POU6F2: variants seen among roughly 807,000 people sequenced by gnomAD.
POU6F2 encodes POU class 6 homeobox 2.
POU6F2 carries 31 observed loss-of-function variants against 71.3 expected under a neutral mutation model. The ratio of observed to expected loss-of-function variants is 0.43; its 90% CI spans 0.33 to 0.59. The LOEUF (loss-of-function observed/expected upper bound fraction) is 0.59. Among genes scored for constraint, POU6F2 ranks in the 20% least tolerant of loss-of-function variants. POU6F2 has a pLI of 0.04. For synonymous variants in POU6F2, 347 were observed against 355.7 expected (o/e 0.98, Z 0.27); for missense variants, 783 against 856.8 (o/e 0.91, Z 1.07).
chr7:39,333,013 G>A (rs1387232597), intron 4 of POU6F2, among the ~76,000 whole-genome samples: 2 of 152,072 alleles, frequency 1.3e-5, no homozygotes, highest in African/African-American at 2.4e-5. Flanking sequence ...TATTCTGCAG[G>A]TGGAAATAGT....
chr7:39,032,167 G>A (rs1789958788), intron 1 of POU6F2, among the ~76,000 whole-genome samples: 1 of 152,138 alleles, frequency 6.6e-6, no homozygotes, highest in South Asian at 2.1e-4. Context: ...GTGGGCATTG[G>A]ATGTTGGACT....
intron 2 of POU6F2, among the ~76,000 whole-genome samples, chr7:39,094,361 T>G (rs1791413350): frequency 6.6e-6 from 1 of 152,200 alleles, no homozygotes; most frequent in Non-Finnish European, 1.5e-5. Flanking sequence ...GGAATCTAAA[T>G]ATTTGTCTAT....
chr7:39,096,935 G>C lies in POU6F2; in HGVS notation c.277+10904G>C, dbSNP rs374066732. The stretch of plus-strand genomic sequence containing the variant: ...AACATAAAAGCAAAATTGCACAACT[G>C]TGCATATCAGGTGAAACAAATATAT... On this transcript the variant is annotated intron_variant, in intron 2 of 9. Coordinates refer to ENST00000518318, the MANE Select transcript of POU6F2 (RefSeq NM_001370959.1). Among the ~76,000 whole-genome samples, 90 of 152,168 alleles carry C rather than the reference G, an allele frequency of 5.9e-4. 3 individuals carry two copies. In the South Asian group the frequency reaches 0.018, roughly 31 times the overall value.
intron 1 of POU6F2, among the ~76,000 whole-genome samples, chr7:38,988,363 T>G (rs1788512169): frequency 6.6e-6 from 1 of 152,124 alleles, no homozygotes; most frequent in South Asian, 2.1e-4. Flanking sequence ...TTACAGGTGA[T>G]TCTAGTGCAC....
intron 1 of POU6F2, chr7:39,002,137 T>G (rs1788933614): frequency 6.6e-6 from 1 of 152,228 alleles, no homozygotes; most frequent in Non-Finnish European, 1.5e-5. Context: ...TTTAAACAAT[T>G]TACTCTTGAA....
intron 4 of POU6F2, among the ~76,000 whole-genome samples, chr7:39,219,407 G>T (rs1322772100): frequency 1.3e-5 from 2 of 152,134 alleles, no homozygotes; most frequent in African/African-American, 4.8e-5. Flanking sequence ...GAAAATGTTT[G>T]AGTCCTTTTT....
At position 39,325,838 on chromosome 7, in the gene POU6F2, G is replaced by A. The variant is rs996498233; in HGVS notation, c.599-13804G>A. Reference sequence around the variant, plus strand: ...AAAGTCAAACACTGATGCTTTGAAAGCCGGGGTGCATCTTGCTTTGCTGAA... The same window carrying A: ...AAAGTCAAACACTGATGCTTTGAAAACCGGGGTGCATCTTGCTTTGCTGAA... On this transcript the variant is annotated intron_variant, in intron 4 of 9. Coordinates refer to ENST00000518318, the MANE Select transcript of POU6F2 (RefSeq NM_001370959.1). 8.5e-5 allele frequency among the ~76,000 whole-genome samples: 13 copies of A among 152,314 alleles called. 1 individual carries two copies. Among genetic ancestry groups the A allele is most frequent in the South Asian group, 4.1e-4 (2 of 4,826 alleles).
At chr7:39,271,202 G>A (rs1784332763) in intron 4 of POU6F2, among the ~76,000 whole-genome samples, 1 of 152,182 alleles carries the variant, frequency 6.6e-6, no homozygotes, top group Admixed American at 6.5e-5. Flanking sequence ...CATGAGACAT[G>A]AAAACTATAT....
intron 5 of POU6F2, among the ~76,000 whole-genome samples, chr7:39,371,501 T>C (rs1215059194): frequency 6.6e-6 from 1 of 152,128 alleles, no homozygotes; most frequent in East Asian, 1.9e-4. Flanking sequence ...TAAAGTTCAG[T>C]CTGGGGGCTC....
intron 6 of POU6F2, among the ~76,000 whole-genome samples, chr7:39,415,700 C>T (rs914398476): frequency 6.6e-6 from 1 of 152,142 alleles, no homozygotes. Context: ...GCTGAATGTT[C>T]CTTTGGGCCA....
chr7:39,078,074 A>G (rs1326911124), intron 1 of POU6F2, among the ~76,000 whole-genome samples: 1 of 152,230 alleles, frequency 6.6e-6, no homozygotes, highest in African/African-American at 2.4e-5. Context: ...AGGGTTTGCT[A>G]CATCGTCCTC....
intron 2 of POU6F2, among the ~76,000 whole-genome samples, chr7:39,108,667 T>G (rs893398444): frequency 2.0e-5 from 3 of 152,108 alleles, no homozygotes; most frequent in African/African-American, 7.2e-5. Context: ...AAGAGGAAGT[T>G]TTTTTTTGTT....
At chr7:39,346,548 A>G (rs1222964480) in intron 5 of POU6F2, among the ~76,000 whole-genome samples, 4 of 152,204 alleles carry the variant, frequency 2.6e-5, no homozygotes, top group Non-Finnish European at 5.9e-5. Context: ...AGCCACATAC[A>G]CTGTCCAGTC....
intron 1 of POU6F2, among the ~76,000 whole-genome samples, chr7:39,015,957 T>A (rs1789511520): frequency 5.6e-5 from 5 of 89,134 alleles, no homozygotes; most frequent in African/African-American, 2.4e-4. Context: ...TATTATATAT[T>A]GTATATTGAT....
At position 39,406,741 on chromosome 7, in the gene POU6F2, G is replaced by A. The variant is rs751460936; in HGVS notation, c.1113+1G>A. The A allele has an allele frequency of 2.5e-6, 4 of 1,613,228 alleles. No individual in the cohort carries two copies. The highest frequency in any genetic ancestry group is 1.7e-5 in the Admixed American group (1 of 60,004). On this transcript the variant is annotated splice_donor_variant, in intron 6 of 9. Transcript: ENST00000518318. LOFTEE classifies it high-confidence loss of function. Reference sequence around the variant, plus strand: ...ACTAGTTACTAATGCACAAGGACAGGTGAGTGGGAGATGGGAACAAGAGTG... The same window carrying A: ...ACTAGTTACTAATGCACAAGGACAGATGAGTGGGAGATGGGAACAAGAGTG...
chr7:39,066,185 G>A (rs1790751046), intron 1 of POU6F2, among the ~76,000 whole-genome samples: 1 of 151,720 alleles, frequency 6.6e-6, no homozygotes, highest in Admixed American at 6.6e-5. Flanking sequence ...AAATACAACA[G>A]CCATTTCTGG....
At chr7:39,273,116 G>A (rs1318330835) in intron 4 of POU6F2, among the ~76,000 whole-genome samples, 5 of 152,154 alleles carry the variant, frequency 3.3e-5, no homozygotes, top group Non-Finnish European at 7.4e-5. Context: ...AAGAATTTCA[G>A]ATCTTTCTTA....
At chr7:39,194,771 G>A (rs903072621) in intron 2 of POU6F2, among the ~76,000 whole-genome samples, 25 of 152,306 alleles carry the variant, frequency 1.6e-4, no homozygotes, top group African/African-American at 6.0e-4. Context: ...TTTATGAGCT[G>A]TAACACTCAC....
intron 2 of POU6F2, among the ~76,000 whole-genome samples, chr7:39,109,402 GA>G: frequency 6.6e-6 from 1 of 152,260 alleles, no homozygotes; most frequent in East Asian, 1.9e-4. Context: ...ATACTCATAT[GA>G]AAGCACCACA....
Sources: gnomAD v4.1 joint callset for allele counts (sites outside exome capture counted in the v4.1 genomes callset) on GRCh38, gnomAD v4.1.1 for gene constraint, MANE v1.5 for transcripts, NCBI Gene and HGNC (gene_info 2026-07-23, HGNC 2026-07-21) for gene names.